The following WSCD2 variants were observed in gnomAD, a reference collection of about 807,000 sequenced individuals.
The protein encoded by WSCD2 is WSC domain sialate O sulfotransferase 2.
In WSCD2, 28 loss-of-function variants were observed where a neutral mutation model predicts 55.7. That is an observed-to-expected ratio of 0.50 (90% CI 0.37 to 0.69). WSCD2 has a LOEUF of 0.69. Among genes scored for constraint, WSCD2 ranks in the 30% least tolerant of loss-of-function variants. The pLI is 0.00. For missense variants in WSCD2, 616 were observed against 762.1 expected (o/e 0.81, Z 2.26); for synonymous variants, 301 against 301.9 (o/e 1.00, Z 0.03).
At chr12:108,223,744 C>G (rs1887776353) in intron 4 of WSCD2, among the ~76,000 whole-genome samples, 1 of 152,204 alleles carries the variant, frequency 6.6e-6, no homozygotes, top group Non-Finnish European at 1.5e-5. Flanking sequence ...AGCAGCCCCT[C>G]CCAGGAAGTT....
In WSCD2 at chr12:108,233,650, AT is replaced by A. The variant is rs60481040; in HGVS notation, c.1144+765del. Among the ~76,000 whole-genome samples, 309 of 151,290 alleles carry A rather than the reference AT, an allele frequency of 2.0e-3. 2 individuals carry two copies. Among genetic ancestry groups the A allele is most frequent in the Middle Eastern group, 6.8e-3 (2 of 294 alleles). ...GAAATAACTTGCCCAAAGTCACACA[AT>A]TTTTTTTTTCAACAAGCTGATTGGG... On this transcript the variant is annotated intron_variant, in intron 7 of 8. Transcript: ENST00000547525.
chr12:108,130,329 T>A (rs41314129), intron 1 of WSCD2, among the ~76,000 whole-genome samples: 32,670 of 152,096 alleles, frequency 0.21, 3,647 homozygotes, highest in African/African-American at 0.24. Flanking sequence ...GAGCTAGTCA[T>A]ATTTCCAAGT....
At chr12:108,173,661 C>G (rs919535979) in intron 1 of WSCD2, among the ~76,000 whole-genome samples, 1 of 152,086 alleles carries the variant, frequency 6.6e-6, no homozygotes, top group Non-Finnish European at 1.5e-5. Flanking sequence ...TCCAGGGGGT[C>G]AGCATCCTTC....
At chr12:108,183,770 CAT>C (rs1341471186) in intron 1 of WSCD2, among the ~76,000 whole-genome samples, 1 of 152,106 alleles carries the variant, frequency 6.6e-6, no homozygotes, top group Non-Finnish European at 1.5e-5. Context: ...AACAATGTCA[CAT>C]AGAGGTTAGG....
At chr12:108,161,024 A>G (rs1041200569) in intron 1 of WSCD2, among the ~76,000 whole-genome samples, 20 of 152,242 alleles carry the variant, frequency 1.3e-4, no homozygotes, top group Non-Finnish European at 2.1e-4. Context: ...GGAAGCAGGC[A>G]GGTGTGTGGT....
chr12:108,155,434 G>A (rs376604306), intron 1 of WSCD2, among the ~76,000 whole-genome samples: 2 of 152,262 alleles, frequency 1.3e-5, no homozygotes, highest in African/African-American at 2.4e-5. Context: ...ATAAGGACAC[G>A]TTATATTTTC....
At chr12:108,155,933 G>A (rs1449773950) in intron 1 of WSCD2, among the ~76,000 whole-genome samples, 1 of 152,138 alleles carries the variant, frequency 6.6e-6, no homozygotes, top group Non-Finnish European at 1.5e-5. Context: ...CATAGGAAGT[G>A]GCATGTTGAG....
chr12:108,196,349 G>A, intron 2 of WSCD2, 135 bp downstream of exon 2: 1 of 1,307,954 alleles, frequency 7.6e-7, no homozygotes, highest in South Asian at 1.6e-5. Flanking sequence ...AATAGTGCCT[G>A]CCATTATCAT....
chr12:108,152,534 A>C (rs1325247843), intron 1 of WSCD2, among the ~76,000 whole-genome samples: 1 of 152,202 alleles, frequency 6.6e-6, no homozygotes, highest in African/African-American at 2.4e-5. Flanking sequence ...GGTGAGCCAC[A>C]TTAGGGATGA....
intron 1 of WSCD2, among the ~76,000 whole-genome samples, chr12:108,164,396 G>T (rs1879410861): frequency 6.6e-6 from 1 of 151,832 alleles, no homozygotes; most frequent in South Asian, 2.1e-4. Context: ...ATCTTGTACT[G>T]TCTTTTCTTT....
chr12:108,173,805 G>GCTCTCTCT (rs10658530), intron 1 of WSCD2, among the ~76,000 whole-genome samples: 11 of 127,858 alleles, frequency 8.6e-5, no homozygotes, highest in East Asian at 2.3e-4. Context: ...CTGATTCCTG[G>GCTCTCTCT]CTCTCTGTGT....
intron 4 of WSCD2, among the ~76,000 whole-genome samples, chr12:108,220,381 A>C (rs1364397962): frequency 6.6e-6 from 1 of 152,228 alleles, no homozygotes; most frequent in Non-Finnish European, 1.5e-5. Flanking sequence ...CAGTCCTCTG[A>C]GCCTTGAGTT....
At chr12:108,183,600 T>C (rs930974315) in intron 1 of WSCD2, among the ~76,000 whole-genome samples, 4 of 152,284 alleles carry the variant, frequency 2.6e-5, no homozygotes, top group Admixed American at 6.5e-5. Flanking sequence ...GCAGAACTCC[T>C]TGGGCCACTA....
At chr12:108,216,310 T>C (rs1276978220) in intron 4 of WSCD2, among the ~76,000 whole-genome samples, 2 of 152,348 alleles carry the variant, frequency 1.3e-5, no homozygotes, top group East Asian at 1.9e-4. Context: ...AACTGAGATA[T>C]AATACACACA....
In WSCD2 at chr12:108,224,777, GACA is replaced by G; in HGVS notation, c.724_726del (p.Asn242del). 2 of 1,613,444 alleles carry G rather than the reference GACA, an allele frequency of 1.2e-6. No homozygotes were observed. Among genetic ancestry groups the G allele is most frequent in the Non-Finnish European group, 1.7e-6 (2 of 1,180,028 alleles). On this transcript the variant is annotated inframe_deletion, in exon 5 of 9. Coordinates refer to ENST00000547525, the MANE Select transcript of WSCD2 (RefSeq NM_014653.4). The stretch of plus-strand genomic sequence containing the variant: ...GTTCCGGGGCTGCTTCCGCAGGCCC[GACA>G]ACCTTTCCCTGGCCTTACCCGTGAC...
Position 108,248,459 on chromosome 12 carries a change from T to A in WSCD2, c.*116T>A. The A allele has an allele frequency of 6.9e-7, 1 of 1,446,132 alleles. No individual in the cohort carries two copies. The highest frequency in any genetic ancestry group is 2.5e-5 in the East Asian group (1 of 40,290). The allele number at this position is 1,446,132 out of a possible 1,614,324, so 89.6% of individuals were successfully genotyped here. Reference sequence around the variant, plus strand: ...TCTCTTTGGTCTGGGGACAATCCCCTTGGCTGCTCTTTGCCTTCAATGAGT... The same window carrying A: ...TCTCTTTGGTCTGGGGACAATCCCCATGGCTGCTCTTTGCCTTCAATGAGT... On this transcript the variant is annotated 3_prime_UTR_variant, in exon 9 of 9. Transcript: ENST00000547525. This position sits in a 1 kb window ranked among gnomAD's most constrained non-coding sequence, Gnocchi z 4.3.
chr12:108,156,772 C>T (rs1178386986), intron 1 of WSCD2, among the ~76,000 whole-genome samples: 1 of 152,196 alleles, frequency 6.6e-6, no homozygotes, highest in East Asian at 1.9e-4. Flanking sequence ...ACTGAGGCTC[C>T]TCGCTCCCAG....
chr12:108,210,029 A>C lies in WSCD2; in HGVS notation c.498-92A>C. 1 of 1,540,236 alleles carries C rather than the reference A, an allele frequency of 6.5e-7. No individual in the cohort carries two copies. Among genetic ancestry groups the C allele is most frequent in the South Asian group, 1.2e-5 (1 of 83,648 alleles). ...TCCCCTGGGATCTCCTGGTCCCCAG[A>C]GCCCTCCCATCCCCCAGGTCTCCAT... On this transcript the variant is annotated intron_variant, in intron 3 of 8. Transcript: ENST00000547525. This position sits in a 1 kb window ranked among gnomAD's most constrained non-coding sequence, Gnocchi z 4.3.
In WSCD2 at chr12:108,248,407, C is replaced by T. The variant is rs933859534; in HGVS notation, c.*64C>T. The T allele has an allele frequency of 2.5e-5, 39 of 1,535,546 alleles. No homozygotes were observed. Among genetic ancestry groups the T allele is most frequent in the East Asian group, 6.9e-5 (3 of 43,662 alleles). ...CCACGCAGGCCCTGGGGACTCAAGA[C>T]CCCTGGTTACCCCCACTCATCTGTC... On this transcript the variant is annotated 3_prime_UTR_variant, in exon 9 of 9. Transcript: ENST00000547525. The surrounding 1 kb of genome is among the most constrained non-coding windows in gnomAD (Gnocchi z 4.3).
Sources: allele counts gnomAD v4.1 joint callset (sites outside exome capture counted in the v4.1 genomes callset), GRCh38; gene constraint gnomAD v4.1.1; non-coding constraint Gnocchi (gnomAD v3.1); transcripts MANE v1.5; gene names NCBI Gene and HGNC (gene_info 2026-07-23, HGNC 2026-07-21).